MACF1: variants seen among roughly 807,000 people sequenced by gnomAD.
MACF1 encodes microtubule-actin cross-linking factor 1.
MACF1 carries 193 observed loss-of-function variants against 854.8 expected under a neutral mutation model. That is an observed-to-expected ratio of 0.23 (90% confidence interval 0.20 to 0.25). MACF1 has a LOEUF of 0.25. Ranked by LOEUF, MACF1 falls within the 10% of genes least tolerant of loss-of-function variation. The pLI is 1.00. For missense variants in MACF1, 7,722 were observed against 8,929.1 expected (o/e 0.86, Z 5.45); for synonymous variants, 3,185 against 3,226.7 (o/e 0.99, Z 0.44).
intron 2 of MACF1, among the ~76,000 whole-genome samples, chr1:39,147,983 T>C (rs2148192475): frequency 6.6e-6 from 1 of 152,296 alleles, no homozygotes; most frequent in South Asian, 2.1e-4. Context: ...ATCTTTTTAC[T>C]TTTTCTGCCT....
intron 97 of MACF1, among the ~76,000 whole-genome samples, chr1:39,474,721 TTGTG>T (rs1192396466): frequency 6.6e-6 from 1 of 151,844 alleles, no homozygotes; most frequent in East Asian, 1.9e-4. Context: ...AAATAAATGT[TTGTG>T]TGTGTGTATA....
intron 1 of MACF1, among the ~76,000 whole-genome samples, chr1:39,209,042 A>T (rs1291091974): frequency 6.6e-6 from 1 of 150,846 alleles, no homozygotes; most frequent in Non-Finnish European, 1.5e-5. Context: ...ACCTGAGGTC[A>T]GGAGTTCGAG....
chr1:39,453,640 A>G lies in MACF1; in HGVS notation c.20743-67A>G, dbSNP rs1644381628. On this transcript the variant is annotated intron_variant, in intron 87 of 100. Transcript: ENST00000564288. Reference sequence around the variant, plus strand: ...AAAACATTGAAATTTATCCCCCCTCAGTGTAAACTAACAGTGCTGCTAATG... The same window carrying G: ...AAAACATTGAAATTTATCCCCCCTCGGTGTAAACTAACAGTGCTGCTAATG... 3 of 1,352,038 alleles carry G rather than the reference A, an allele frequency of 2.2e-6. No homozygotes were observed. In the Admixed American group the frequency reaches 5.1e-5, roughly 23 times the overall value. 83.8% of individuals were successfully genotyped at this position (1,352,038 alleles called of 1,614,324 possible).
chr1:39,444,565 C>A, intron 79 of MACF1, 97 bp from the exon 80 acceptor site: 1 of 1,040,570 alleles, frequency 9.6e-7, no homozygotes, highest in Non-Finnish European at 1.4e-6. Context: ...TCAAGATGAG[C>A]CCTTCCTGGA....
chr1:39,349,505 C>T lies in MACF1; in HGVS notation c.10843C>T (p.His3615Tyr). 1 of 1,613,930 alleles carries T rather than the reference C, an allele frequency of 6.2e-7. No individual in the cohort carries two copies. Among genetic ancestry groups the T allele is most frequent in the South Asian group, 1.1e-5 (1 of 91,026 alleles). Residue 3615 changes from histidine to tyrosine, a missense_variant, in exon 42 of 101, where the codon CAC (histidine) becomes TAC (tyrosine). By Grantham distance (83) the His-to-Tyr change is moderately conservative (BLOSUM62 2). This residue lies in a region of MACF1 where 2,807 missense variants were observed against 3,235.8 expected (regional missense o/e 0.87). Transcript: ENST00000564288. Reference sequence around the variant, plus strand: ...CCTGCAGAAACAACAAAATACCTGTCACCAGCAACTGGAGGATCTTTGCAG... The same window carrying T: ...CCTGCAGAAACAACAAAATACCTGTTACCAGCAACTGGAGGATCTTTGCAG... ...KTLQKQQNTC[H>Y]QQLEDLCSWV...
intron 58 of MACF1, among the ~76,000 whole-genome samples, chr1:39,418,466 G>A (rs1643410681): frequency 1.3e-5 from 2 of 152,218 alleles, no homozygotes; most frequent in African/African-American, 2.4e-5. Flanking sequence ...CAGGACTGAC[G>A]TCGTTCTCTC....
chr1:39,232,769 G>A (rs796155705), intron 2 of MACF1, among the ~76,000 whole-genome samples: 4 of 98,352 alleles, frequency 4.1e-5, no homozygotes, highest in African/African-American at 1.2e-4. Context: ...TTTTTTTTTT[G>A]TTTGTTTGTT....
At position 39,452,528 on chromosome 1, in the gene MACF1, A is replaced by T. The variant is rs1356627458; in HGVS notation, c.20614-156A>T. On this transcript the variant is annotated intron_variant, in intron 86 of 100. Transcript: ENST00000564288. ...TTTTGAGAAATAATGAATTCAGTTG[A>T]TTTTCAAAGATCTACAAATGAAAGA... The T allele has an allele frequency of 8.6e-6, 10 of 1,163,738 alleles. No homozygotes were observed. In the East Asian group the frequency reaches 2.1e-4, roughly 25 times the overall value. The allele number at this position is 1,163,738 out of a possible 1,614,324, so 72.1% of individuals were successfully genotyped here. A position where few individuals can be genotyped will look rare whatever the true frequency, so the allele number is the denominator to read the frequency against.
In MACF1 at chr1:39,427,435, T is replaced by G; in HGVS notation, c.16317-20T>G. ...ATGTGACTTTTCTTCCTGAGCAGCT[T>G]GTTCTATATATTTGTGTAGGCAAAA... is the stretch of plus-strand genomic sequence containing the variant. On this transcript the variant is annotated intron_variant, in intron 61 of 100. Coordinates refer to ENST00000564288, the MANE Select transcript of MACF1 (RefSeq NM_001394062.1). The G allele has an allele frequency of 6.2e-7, 1 of 1,609,530 alleles. No homozygotes were observed. Among genetic ancestry groups the G allele is most frequent in the Non-Finnish European group, 8.5e-7 (1 of 1,178,024 alleles).
At chr1:39,440,463 G>A (rs189499389) in intron 72 of MACF1, among the ~76,000 whole-genome samples, 77 of 152,148 alleles carry the variant, frequency 5.1e-4, no homozygotes, top group African/African-American at 1.8e-3. Context: ...TTTAGCATAA[G>A]CCAAGCCTAT....
intron 6 of MACF1, among the ~76,000 whole-genome samples, chr1:39,280,135 T>C (rs1645514298): frequency 1.3e-5 from 2 of 152,090 alleles, no homozygotes; most frequent in African/African-American, 4.8e-5. Flanking sequence ...TGACCTCAGG[T>C]GATCCACCTG....
At chr1:39,458,941 GTATCTAAA>G (rs1644496377) in intron 90 of MACF1, 137 bp from the exon 91 acceptor site, 1 of 706,642 alleles carries the variant, frequency 1.4e-6, no homozygotes, top group South Asian at 2.0e-5. Context: ...GTACACCTCC[GTATCTAAA>G]TATTGCCAAG....
intron 49 of MACF1, among the ~76,000 whole-genome samples, chr1:39,363,359 T>C (rs2148522368): frequency 6.6e-6 from 1 of 152,314 alleles, no homozygotes; most frequent in South Asian, 2.1e-4. Flanking sequence ...CCCATCCCCA[T>C]AGTAACACAT....
At chr1:39,419,526 A>C (rs576253372) in intron 58 of MACF1, among the ~76,000 whole-genome samples, 40 of 152,346 alleles carry the variant, frequency 2.6e-4, no homozygotes, top group Middle Eastern at 3.4e-3. Flanking sequence ...CCAAAATTTT[A>C]ATAAATCTGA....
Position 39,442,305 on chromosome 1 carries a change from A to C in MACF1, c.18933A>C (p.Lys6311Asn). 1 of 1,595,498 alleles carries C rather than the reference A, an allele frequency of 6.3e-7. No homozygotes were observed. The highest frequency in any genetic ancestry group is 8.5e-7 in the Non-Finnish European group (1 of 1,173,572). Residue 6311 changes from lysine (K) to asparagine (N), a missense_variant, in exon 76 of 101, where the codon AAA becomes AAC. By Grantham distance (94) the Lys-to-Asn change is moderately conservative. This residue lies in a region of MACF1 where 2,807 missense variants were observed against 3,235.8 expected (regional missense o/e 0.87). Coordinates refer to ENST00000564288, the MANE Select transcript of MACF1 (RefSeq NM_001394062.1). ...LKHLWENLGE[K>N]IAHRQHKLEG... The stretch of plus-strand genomic sequence containing the variant: ...ACCTCTGGGAGAACCTGGGTGAGAA[A>C]ATTGCCCACCGACAGGTAAGGCAGG...
At chr1:39,217,406 C>T (rs1380432630) in intron 1 of MACF1, among the ~76,000 whole-genome samples, 3 of 152,058 alleles carry the variant, frequency 2.0e-5, no homozygotes, top group African/African-American at 7.2e-5. Context: ...TTCCAAGTAG[C>T]TGGAATTACA....
At chr1:39,227,118 A>G (rs983601100) in intron 1 of MACF1, among the ~76,000 whole-genome samples, 16 of 152,122 alleles carry the variant, frequency 1.1e-4, no homozygotes, top group African/African-American at 3.9e-4. Flanking sequence ...GCACAATGAT[A>G]GCTTGCTGCA....
At chr1:39,393,196 A>AAAAATATATATAT (rs57576149) in intron 58 of MACF1, among the ~76,000 whole-genome samples, 4 of 66,562 alleles carry the variant, frequency 6.0e-5, no homozygotes, top group African/African-American at 2.5e-4. Flanking sequence ...AAAAAAAAAA[A>AAAAATATATATAT]ATATATATAT....
intron 2 of MACF1, among the ~76,000 whole-genome samples, chr1:39,234,319 G>A (rs1156811320): frequency 6.6e-6 from 1 of 151,904 alleles, no homozygotes; most frequent in Admixed American, 6.5e-5. Flanking sequence ...CCTCCCAGAC[G>A]GGGTGGTGGC....
Sources: allele counts gnomAD v4.1 joint callset (sites outside exome capture counted in the v4.1 genomes callset), GRCh38; gene constraint gnomAD v4.1.1; regional missense constraint gnomAD v4.1.1; transcripts MANE v1.5; gene names NCBI Gene and HGNC (gene_info 2026-07-23, HGNC 2026-07-21).